Variants in SORCS2 observed in about 807,000 individuals in gnomAD.
SORCS2 encodes VPS10 domain-containing receptor SorCS2.
A neutral mutation model predicts 141.6 loss-of-function variants in SORCS2; 100 were observed. The ratio of observed to expected loss-of-function variants is 0.71; its 90% CI spans 0.60 to 0.83. The LOEUF is 0.83. Ranked by LOEUF, SORCS2 falls within the 40% of genes least tolerant of loss-of-function variation. The pLI is 0.00. For synonymous variants in SORCS2, 789 were observed against 676.9 expected (o/e 1.17, Z -2.57); for missense variants, 1,646 against 1,560.2 (o/e 1.05, Z -0.93).
intron 4 of SORCS2, among the ~76,000 whole-genome samples, chr4:7,653,837 A>G (rs1721585925): frequency 6.6e-6 from 1 of 152,178 alleles, no homozygotes; most frequent in Admixed American, 6.5e-5. Context: ...ACAGGATTAT[A>G]AAGTCCCTCC....
chr4:7,700,410 C>T (rs540864527), intron 12 of SORCS2, among the ~76,000 whole-genome samples: 2 of 152,124 alleles, frequency 1.3e-5, no homozygotes, highest in Non-Finnish European at 2.9e-5. Context: ...TCTCCCTAGG[C>T]TATGAATCTG....
At chr4:7,635,270 C>T (rs1036458597) in intron 3 of SORCS2, among the ~76,000 whole-genome samples, 2 of 152,200 alleles carry the variant, frequency 1.3e-5, no homozygotes, top group African/African-American at 4.8e-5. Context: ...AAACACTCGG[C>T]TCCTGACCTC....
chr4:7,488,194 C>T (rs964844988), intron 2 of SORCS2, among the ~76,000 whole-genome samples: 5 of 152,324 alleles, frequency 3.3e-5, no homozygotes, highest in African/African-American at 9.6e-5. Flanking sequence ...TCCCGTGGGC[C>T]GGCTGTCTGC....
chr4:7,240,865 C>T lies in SORCS2; in HGVS notation c.480+47739C>T, dbSNP rs181564657. Among the ~76,000 whole-genome samples, 861 of 152,304 alleles carry T rather than the reference C, an allele frequency of 5.7e-3. 8 individuals carry two copies. The highest frequency in any genetic ancestry group is 0.019 in the African/African-American group (807 of 41,562). On this transcript the variant is annotated intron_variant, in intron 1 of 26. Transcript: ENST00000507866. ...TTACACCCCGGTCGACCTTCATTTG[C>T]AGTTGCCAGATAAAACATAGGATTC...
At chr4:7,460,932 G>T (rs1341555689) in intron 2 of SORCS2, among the ~76,000 whole-genome samples, 1 of 151,672 alleles carries the variant, frequency 6.6e-6, no homozygotes, top group Non-Finnish European at 1.5e-5. Context: ...CTCAACACAG[G>T]CACCCGGTTT....
At chr4:7,697,810 C>A (rs577297848) in intron 12 of SORCS2, among the ~76,000 whole-genome samples, 68 of 151,828 alleles carry the variant, frequency 4.5e-4, no homozygotes, top group African/African-American at 1.6e-3. Flanking sequence ...GTTGGGGTGT[C>A]TGGGGGCTAT....
chr4:7,215,977 C>A (rs571359480), intron 1 of SORCS2, among the ~76,000 whole-genome samples: 1 of 151,806 alleles, frequency 6.6e-6, no homozygotes, highest in Non-Finnish European at 1.5e-5. Flanking sequence ...CCGCTCGGGT[C>A]CCCTTCCACA....
chr4:7,409,214 C>T (rs942668622), intron 2 of SORCS2, among the ~76,000 whole-genome samples: 9 of 152,174 alleles, frequency 5.9e-5, no homozygotes, highest in Non-Finnish European at 1.3e-4. Flanking sequence ...GTTAAAGATT[C>T]TTTACTGCTA....
intron 10 of SORCS2, among the ~76,000 whole-genome samples, chr4:7,685,837 A>C (rs1034429012): frequency 1.3e-5 from 2 of 152,182 alleles, no homozygotes; most frequent in African/African-American, 4.8e-5. Flanking sequence ...GCAGCCACAC[A>C]GCCTCTCAAT....
chr4:7,293,314 A>AG, intron 1 of SORCS2, among the ~76,000 whole-genome samples: 1 of 151,956 alleles, frequency 6.6e-6, no homozygotes, highest in Admixed American at 6.5e-5. Flanking sequence ...AAAAAAAAAA[A>AG]AAAAGAAATG....
At chr4:7,383,976 G>A (rs764131357) in intron 1 of SORCS2, among the ~76,000 whole-genome samples, 7 of 152,288 alleles carry the variant, frequency 4.6e-5, no homozygotes, top group East Asian at 1.9e-4. Flanking sequence ...AGCAGCACCC[G>A]TCCATTTATT....
At chr4:7,580,090 G>T (rs1202692183) in intron 3 of SORCS2, among the ~76,000 whole-genome samples, 1 of 152,156 alleles carries the variant, frequency 6.6e-6, no homozygotes, top group East Asian at 1.9e-4. Flanking sequence ...GGCTATGTAG[G>T]CAAAACCCAG....
At chr4:7,308,374 C>T (rs1194328761) in intron 1 of SORCS2, among the ~76,000 whole-genome samples, 1 of 152,130 alleles carries the variant, frequency 6.6e-6, no homozygotes, top group Non-Finnish European at 1.5e-5. Flanking sequence ...GGTCACCTTT[C>T]CAGGGGGCAG....
At chr4:7,247,928 T>C (rs1454353981) in intron 1 of SORCS2, among the ~76,000 whole-genome samples, 1 of 152,178 alleles carries the variant, frequency 6.6e-6, no homozygotes, top group Non-Finnish European at 1.5e-5. Flanking sequence ...CTCTGTCCTG[T>C]CAGCAACGGG....
chr4:7,675,647 T>A (rs1723058442), intron 8 of SORCS2, among the ~76,000 whole-genome samples: 1 of 152,092 alleles, frequency 6.6e-6, no homozygotes, highest in Non-Finnish European at 1.5e-5. Context: ...GGGCTGTGGA[T>A]AGGAGGAGAG....
chr4:7,517,032 C>G (rs1416594261), intron 2 of SORCS2, among the ~76,000 whole-genome samples: 3 of 152,174 alleles, frequency 2.0e-5, no homozygotes, highest in African/African-American at 7.2e-5. Flanking sequence ...GCTAACGCGT[C>G]CAGCATACCC....
At chr4:7,338,320 TGGATGGAAGGATG>T (rs1720141774) in intron 1 of SORCS2, among the ~76,000 whole-genome samples, 1 of 145,952 alleles carries the variant, frequency 6.9e-6, no homozygotes, top group Non-Finnish European at 1.5e-5. Flanking sequence ...GGATGTCGGT[TGGATGGAAGGATG>T]GCTGGCTGGA....
At chr4:7,353,887 C>T (rs1468218719) in intron 1 of SORCS2, among the ~76,000 whole-genome samples, 1 of 152,170 alleles carries the variant, frequency 6.6e-6, no homozygotes, top group Non-Finnish European at 1.5e-5. Flanking sequence ...CTTGGGAAAG[C>T]ATAATGGTTT....
At chr4:7,239,353 G>GGAGCA (rs1184872281) in intron 1 of SORCS2, among the ~76,000 whole-genome samples, 1 of 152,260 alleles carries the variant, frequency 6.6e-6, no homozygotes, top group African/African-American at 2.4e-5. Context: ...TGGACTGCCA[G>GGAGCA]GAGCAGCTCC....
Sources: gnomAD v4.1 joint callset for allele counts (sites outside exome capture counted in the v4.1 genomes callset) on GRCh38, gnomAD v4.1.1 for gene constraint, MANE v1.5 for transcripts, NCBI Gene and HGNC (gene_info 2026-07-23, HGNC 2026-07-21) for gene names.